The following SLC35F4 variants were observed in gnomAD, a reference collection of about 807,000 sequenced individuals.
The protein encoded by SLC35F4 is solute carrier family 35 member F4, also known as chromosome 14 open reading frame 36.
A neutral mutation model predicts 44.2 loss-of-function variants in SLC35F4; 24 were observed. That is an observed-to-expected ratio of 0.54 (90% CI 0.39 to 0.76). SLC35F4 has a LOEUF of 0.76. SLC35F4 is among the 30% of genes least tolerant of loss of function. The pLI, the probability that SLC35F4 is intolerant of heterozygous loss-of-function variation, is 0.00. For missense variants in SLC35F4, 562 were observed against 586.1 expected, an observed-to-expected ratio of 0.96 and a Z score of 0.42; for synonymous variants, 238 against 223.6, an observed-to-expected ratio of 1.06 and a Z score of -0.57.
chr14:57,930,638 T>G (rs1182580054), intron 1 of SLC35F4, among the ~76,000 whole-genome samples: 29 of 152,214 alleles, frequency 1.9e-4, no homozygotes. Flanking sequence ...ACAAACATTT[T>G]AATGTTTAAG....
intron 6 of SLC35F4, among the ~76,000 whole-genome samples, chr14:57,568,824 A>G (rs1355874904): frequency 2.6e-5 from 4 of 152,108 alleles, no homozygotes; most frequent in Non-Finnish European, 4.4e-5. Flanking sequence ...GGGCAGAGGG[A>G]GTTGACCTCT....
intron 1 of SLC35F4, among the ~76,000 whole-genome samples, chr14:57,849,344 T>C (rs1886335059): frequency 6.6e-6 from 1 of 152,080 alleles, no homozygotes; most frequent in African/African-American, 2.4e-5. Context: ...GTATTTTTAG[T>C]AGAGATGGGG....
chr14:57,724,652 TC>T (rs1167168376), intron 1 of SLC35F4, among the ~76,000 whole-genome samples: 1 of 152,012 alleles, frequency 6.6e-6, no homozygotes, highest in Non-Finnish European at 1.5e-5. Flanking sequence ...TCCTGCATTC[TC>T]CCCCCCAGCC....
intron 1 of SLC35F4, among the ~76,000 whole-genome samples, chr14:57,629,608 A>T (rs2072662988): frequency 6.6e-6 from 1 of 152,146 alleles, no homozygotes; most frequent in Admixed American, 6.6e-5. Context: ...AAACTTCAAG[A>T]TTAAAATGTG....
intron 1 of SLC35F4, among the ~76,000 whole-genome samples, chr14:57,738,748 CATATATATATATATATATAT>C (rs36212594): frequency 0.036 from 3,915 of 110,262 alleles, 112 homozygotes; most frequent in Non-Finnish European, 0.051. Context: ...TTTGAATTTT[CATATATATATATATATATAT>C]ATATATATAT....
chr14:57,767,580 T>C (rs1457130160), intron 1 of SLC35F4, among the ~76,000 whole-genome samples: 1 of 152,066 alleles, frequency 6.6e-6, no homozygotes, highest in African/African-American at 2.4e-5. Context: ...AAAATGCTTA[T>C]ATTAGGAATG....
intron 1 of SLC35F4, among the ~76,000 whole-genome samples, chr14:57,863,800 C>G (rs1887883117): frequency 6.6e-6 from 1 of 152,204 alleles, no homozygotes. Flanking sequence ...ACTTAATTCT[C>G]TCTTCTTGTG....
intron 1 of SLC35F4, among the ~76,000 whole-genome samples, chr14:57,623,138 C>CA (rs1471054775): frequency 6.6e-6 from 1 of 151,650 alleles, no homozygotes; most frequent in Non-Finnish European, 1.5e-5. Flanking sequence ...AAATGGAAAG[C>CA]AAAAAAGCAG....
Position 57,889,600 on chromosome 14 carries a change from A to T in SLC35F4, n.282+92313T>A, listed in dbSNP as rs79228305. ...TCCAGTGTAGAAGGGCCTCCTGGCCATAGTAGTGTCTCTTAAACTGTGCTG... is the reference window on the plus strand; with the variant it reads ...TCCAGTGTAGAAGGGCCTCCTGGCCTTAGTAGTGTCTCTTAAACTGTGCTG... On this transcript the variant is annotated intron_variant and non_coding_transcript_variant, in intron 1 of 1. Coordinates refer to the SLC35F4 transcript ENST00000556568. 7.3e-3 allele frequency among the ~76,000 whole-genome samples: 1,105 copies of T among 152,378 alleles called. 15 individuals are homozygous for T. The highest frequency in any genetic ancestry group is 0.025 in the African/African-American group (1,053 of 41,588).
intron 1 of SLC35F4, among the ~76,000 whole-genome samples, chr14:57,644,426 G>T (rs1242375253): frequency 2.0e-5 from 3 of 151,196 alleles, no homozygotes; most frequent in Non-Finnish European, 4.4e-5. Context: ...CTTTTGAGAA[G>T]TGTCTGTTCA....
intron 1 of SLC35F4, among the ~76,000 whole-genome samples, chr14:57,892,771 A>G (rs1203202721): frequency 6.6e-6 from 1 of 152,188 alleles, no homozygotes; most frequent in East Asian, 1.9e-4. Context: ...CTATTTATCC[A>G]GTGAAGACCA....
At chr14:57,641,468 A>G (rs2073235101) in intron 1 of SLC35F4, among the ~76,000 whole-genome samples, 1 of 151,924 alleles carries the variant, frequency 6.6e-6, no homozygotes, top group Non-Finnish European at 1.5e-5. Flanking sequence ...ACCCCCAAAA[A>G]TAACAAGAGA....
chr14:57,663,582 C>T (rs1026359964), intron 1 of SLC35F4, among the ~76,000 whole-genome samples: 1 of 152,178 alleles, frequency 6.6e-6, no homozygotes, highest in Admixed American at 6.5e-5. Context: ...CATGAAGTTG[C>T]ACACATCTGA....
chr14:57,783,766 A>G (rs1255642651), intron 1 of SLC35F4, among the ~76,000 whole-genome samples: 1 of 152,144 alleles, frequency 6.6e-6, no homozygotes, highest in Non-Finnish European at 1.5e-5. Flanking sequence ...AAAATCAAAG[A>G]TTGTTGTCTA....
intron 1 of SLC35F4, among the ~76,000 whole-genome samples, chr14:57,654,298 C>T (rs777764053): frequency 1.5e-4 from 23 of 152,068 alleles, no homozygotes; most frequent in African/African-American, 2.7e-4. Context: ...TATGCCTTTG[C>T]GTCCTCATAG....
chr14:57,957,957 G>A (rs1234302764), intron 1 of SLC35F4, among the ~76,000 whole-genome samples: 1 of 152,140 alleles, frequency 6.6e-6, no homozygotes, highest in Non-Finnish European at 1.5e-5. Flanking sequence ...AGTGTTTGCT[G>A]TGACTTTATA....
chr14:57,665,565 T>G (rs182286434), intron 1 of SLC35F4, among the ~76,000 whole-genome samples: 126 of 152,340 alleles, frequency 8.3e-4, no homozygotes, highest in Non-Finnish European at 1.4e-3. Context: ...CTGAAGTGAC[T>G]GAATATACTA....
chr14:57,807,425 A>C (rs1030978825), intron 1 of SLC35F4, among the ~76,000 whole-genome samples: 4 of 152,000 alleles, frequency 2.6e-5, no homozygotes, highest in African/African-American at 9.7e-5. Flanking sequence ...TCCAAGCAGG[A>C]AACAGGCAAT....
At chr14:57,589,755 C>T (rs1022056031) in intron 2 of SLC35F4, among the ~76,000 whole-genome samples, 5 of 152,200 alleles carry the variant, frequency 3.3e-5, no homozygotes, top group African/African-American at 1.2e-4. Flanking sequence ...GTTGCTCATG[C>T]GGATGTTATG....
Sources: allele counts gnomAD v4.1 joint callset (sites outside exome capture counted in the v4.1 genomes callset), GRCh38; gene constraint gnomAD v4.1.1; transcripts MANE v1.5; gene names NCBI Gene and HGNC (gene_info 2026-07-23, HGNC 2026-07-21).